DNAJC1: variants seen among roughly 807,000 people sequenced by gnomAD.
DNAJC1 encodes the protein dnaJ homolog subfamily C member 1.
A neutral mutation model predicts 76.6 loss-of-function variants in DNAJC1; 58 were observed. The ratio of observed to expected loss-of-function variants is 0.76; its 90% CI spans 0.61 to 0.94. DNAJC1 has a LOEUF of 0.94. DNAJC1 is among the 40% of genes least tolerant of loss of function. DNAJC1 has a pLI of 0.00. For synonymous variants in DNAJC1, 258 were observed against 267.9 expected, an observed-to-expected ratio of 0.96 and a Z score of 0.36; for missense variants, 689 against 677.3, an observed-to-expected ratio of 1.02 and a Z score of -0.19.
At chr10:21,781,601 G>C (rs1834528027) in intron 9 of DNAJC1, among the ~76,000 whole-genome samples, 1 of 151,228 alleles carries the variant, frequency 6.6e-6, no homozygotes, top group Non-Finnish European at 1.5e-5. Flanking sequence ...GGTGCCTGTA[G>C]TCCCAGCTAC....
chr10:21,839,756 C>G (rs1025987945), intron 8 of DNAJC1, among the ~76,000 whole-genome samples: 1 of 152,140 alleles, frequency 6.6e-6, no homozygotes, highest in African/African-American at 2.4e-5. Context: ...TTTTATGAGG[C>G]CAGCATCATC....
At chr10:21,982,252 T>A (rs906978014) in intron 1 of DNAJC1, among the ~76,000 whole-genome samples, 1 of 152,132 alleles carries the variant, frequency 6.6e-6, no homozygotes, top group Non-Finnish European at 1.5e-5. Context: ...ATAAATTGAC[T>A]TAAAAATAGA....
chr10:21,873,692 T>C (rs920666786), intron 8 of DNAJC1, among the ~76,000 whole-genome samples: 3 of 152,024 alleles, frequency 2.0e-5, no homozygotes, highest in African/African-American at 7.2e-5. Flanking sequence ...CCAAGAAAGG[T>C]ATAAACATAG....
intron 1 of DNAJC1, among the ~76,000 whole-genome samples, chr10:21,995,366 T>G (rs1040579708): frequency 3.3e-5 from 5 of 152,212 alleles, no homozygotes; most frequent in African/African-American, 1.2e-4. Context: ...CAGGCCACAG[T>G]TGAGTTTCAT....
chr10:21,960,682 C>A (rs1837776611), intron 1 of DNAJC1, among the ~76,000 whole-genome samples: 1 of 152,102 alleles, frequency 6.6e-6, no homozygotes, highest in Non-Finnish European at 1.5e-5. Context: ...AGAGGGAAGA[C>A]CCTGCCTCCA....
chr10:21,901,230 G>C (rs1836647895), intron 7 of DNAJC1, among the ~76,000 whole-genome samples: 4 of 152,198 alleles, frequency 2.6e-5, no homozygotes, highest in African/African-American at 9.7e-5. Flanking sequence ...TAAAATCATA[G>C]AAGGTACAAA....
Position 21,859,918 on chromosome 10 carries a change from G to T in DNAJC1, c.978+22364C>A, listed in dbSNP as rs565219979. 1.6e-3 allele frequency among the ~76,000 whole-genome samples: 240 copies of T among 152,010 alleles called. 1 individual carries two copies. Among genetic ancestry groups the T allele is most frequent in the Non-Finnish European group, 2.6e-3 (179 of 67,956 alleles). Reference sequence around the variant, plus strand: ...CCTGCCTCAGCCTCCTCAGTAGCTGGGATTACAGGCATGTGCAACCACATC... The same window carrying T: ...CCTGCCTCAGCCTCCTCAGTAGCTGTGATTACAGGCATGTGCAACCACATC... On this transcript the variant is annotated intron_variant, in intron 8 of 11. Transcript: ENST00000376980.
At chr10:21,780,447 T>C (rs1834512692) in intron 9 of DNAJC1, among the ~76,000 whole-genome samples, 1 of 152,218 alleles carries the variant, frequency 6.6e-6, no homozygotes, top group Non-Finnish European at 1.5e-5. Context: ...TATTCAACAT[T>C]CTTAAAGAAA....
chr10:21,998,389 C>CAAAA (rs60371730), intron 1 of DNAJC1, among the ~76,000 whole-genome samples: 8 of 95,768 alleles, frequency 8.4e-5, no homozygotes, highest in East Asian at 2.9e-4. Flanking sequence ...GACTCCATCT[C>CAAAA]AAAAAAAAAA....
intron 8 of DNAJC1, among the ~76,000 whole-genome samples, chr10:21,840,469 C>G (rs554778912): frequency 1.3e-4 from 20 of 152,178 alleles, no homozygotes; most frequent in African/African-American, 3.1e-4. Context: ...CAGACAAACA[C>G]AGAGCCAAAT....
chr10:21,884,260 T>A (rs2131724090), intron 7 of DNAJC1, among the ~76,000 whole-genome samples: 1 of 152,188 alleles, frequency 6.6e-6, no homozygotes, highest in South Asian at 2.1e-4. Context: ...AGGCAAAAGG[T>A]CATAAATGGG....
intron 8 of DNAJC1, among the ~76,000 whole-genome samples, chr10:21,844,728 T>A (rs1835627663): frequency 6.6e-6 from 1 of 152,158 alleles, no homozygotes; most frequent in Non-Finnish European, 1.5e-5. Flanking sequence ...GAAAAATGGC[T>A]GTTTTTTTAA....
chr10:21,778,250 C>T (rs554436112), intron 9 of DNAJC1, among the ~76,000 whole-genome samples: 6 of 152,042 alleles, frequency 3.9e-5, no homozygotes, highest in Non-Finnish European at 7.4e-5. Flanking sequence ...AAGCTCAGAG[C>T]AATATGAGGA....
intron 8 of DNAJC1, among the ~76,000 whole-genome samples, chr10:21,866,134 C>CACAA (rs1835997174): frequency 2.9e-5 from 1 of 34,032 alleles, no homozygotes; most frequent in Admixed American, 3.0e-4. Flanking sequence ...GACTTCAACT[C>CACAA]AAAAAAAAAA....
intron 10 of DNAJC1, among the ~76,000 whole-genome samples, chr10:21,760,947 G>A (rs1158332912): frequency 6.6e-6 from 1 of 152,230 alleles, no homozygotes; most frequent in Non-Finnish European, 1.5e-5. Context: ...GGAGGCCAAG[G>A]CAAGGTGGAT....
chr10:21,824,080 G>C (rs996478672), intron 8 of DNAJC1, among the ~76,000 whole-genome samples: 2 of 152,140 alleles, frequency 1.3e-5, no homozygotes, highest in Non-Finnish European at 1.5e-5. Flanking sequence ...ATGAATGACT[G>C]GTTGATTAGC....
chr10:21,982,617 A>G (rs1838174833), intron 1 of DNAJC1, among the ~76,000 whole-genome samples: 1 of 152,136 alleles, frequency 6.6e-6, no homozygotes, highest in African/African-American at 2.4e-5. Flanking sequence ...ACAAATGACC[A>G]ATAACCCACA....
chr10:21,976,246 T>C (rs1838060170), intron 1 of DNAJC1, among the ~76,000 whole-genome samples: 1 of 152,184 alleles, frequency 6.6e-6, no homozygotes, highest in Non-Finnish European at 1.5e-5. Flanking sequence ...AATTTTTACA[T>C]AGCCTACAAA....
At chr10:21,801,540 G>A (rs1276753209) in intron 9 of DNAJC1, among the ~76,000 whole-genome samples, 1 of 152,176 alleles carries the variant, frequency 6.6e-6, no homozygotes, top group African/African-American at 2.4e-5. Context: ...AGGTAGGAGT[G>A]TAAATTAGTT....
Sources: allele counts gnomAD v4.1 joint callset (sites outside exome capture counted in the v4.1 genomes callset), GRCh38; gene constraint gnomAD v4.1.1; transcripts MANE v1.5; gene names NCBI Gene and HGNC (gene_info 2026-07-23, HGNC 2026-07-21).